Variants in COL19A1 observed in about 807,000 individuals in gnomAD.
The protein encoded by COL19A1 is collagen type XIX alpha 1 chain.
A neutral mutation model predicts 190.2 loss-of-function variants in COL19A1; 159 were observed. The observed-to-expected ratio is 0.84, with a 90% CI of 0.73 to 0.95. COL19A1 has a LOEUF of 0.95. COL19A1 is among the 40% of genes least tolerant of loss of function. COL19A1 has a pLI of 0.00. For synonymous variants in COL19A1, 509 were observed against 458.9 expected, an observed-to-expected ratio of 1.11 and a Z score of -1.39; for missense variants, 1,418 against 1,431.9, an observed-to-expected ratio of 0.99 and a Z score of 0.16.
At chr6:69,872,143 TG>T (rs1412981548) in intron 1 of COL19A1, among the ~76,000 whole-genome samples, 1 of 149,516 alleles carries the variant, frequency 6.7e-6, no homozygotes, top group African/African-American at 2.4e-5. Context: ...GTTTTTTGTT[TG>T]TTTTTTTGTT....
At chr6:69,894,498 G>T (rs1243813904) in intron 2 of COL19A1, among the ~76,000 whole-genome samples, 1 of 152,082 alleles carries the variant, frequency 6.6e-6, no homozygotes, top group Non-Finnish European at 1.5e-5. Flanking sequence ...TGAACTAAAA[G>T]GTACTACAGA....
At chr6:70,045,053 C>G (rs898699281) in intron 14 of COL19A1, among the ~76,000 whole-genome samples, 1 of 152,028 alleles carries the variant, frequency 6.6e-6, no homozygotes, top group African/African-American at 2.4e-5. Context: ...TGGCTCACAC[C>G]TGTAATCCCA....
At chr6:70,083,881 G>A (rs1208875874) in intron 15 of COL19A1, among the ~76,000 whole-genome samples, 3 of 151,996 alleles carry the variant, frequency 2.0e-5, no homozygotes, top group Non-Finnish European at 4.4e-5. Flanking sequence ...CATATGCAGG[G>A]CAAGACAACC....
intron 16 of COL19A1, among the ~76,000 whole-genome samples, chr6:70,115,824 T>TG (rs1491548395): frequency 2.5e-4 from 24 of 97,006 alleles, no homozygotes; most frequent in African/African-American, 9.5e-4. Flanking sequence ...TTTGGTGTTT[T>TG]GTTTTTTTTT....
intron 9 of COL19A1, among the ~76,000 whole-genome samples, chr6:69,949,721 T>C (rs1774016213): frequency 6.6e-6 from 1 of 151,884 alleles, no homozygotes; most frequent in East Asian, 1.9e-4. Flanking sequence ...TATGTGCATC[T>C]TCCAGAGTAA....
At chr6:70,153,604 A>G (rs1464961869) in intron 31 of COL19A1, among the ~76,000 whole-genome samples, 4 of 152,174 alleles carry the variant, frequency 2.6e-5, no homozygotes, top group Non-Finnish European at 5.9e-5. Context: ...TGTTTCACTT[A>G]AACAGTCTAT....
At chr6:70,140,120 T>C (rs1786145445) in intron 19 of COL19A1, among the ~76,000 whole-genome samples, 1 of 151,980 alleles carries the variant, frequency 6.6e-6, no homozygotes, top group Admixed American at 6.6e-5. Context: ...TGGGTAGATA[T>C]GGGTATATAG....
chr6:69,884,438 G>A (rs913159528), intron 2 of COL19A1, among the ~76,000 whole-genome samples: 2 of 152,072 alleles, frequency 1.3e-5, no homozygotes, highest in African/African-American at 4.8e-5. Flanking sequence ...TACAATAGGA[G>A]GTCAAACCAG....
chr6:69,905,980 T>G (rs1770521968), intron 4 of COL19A1, among the ~76,000 whole-genome samples: 1 of 152,212 alleles, frequency 6.6e-6, no homozygotes, highest in Non-Finnish European at 1.5e-5. Flanking sequence ...AATTCATTAT[T>G]TGTATACATA....
intron 41 of COL19A1, among the ~76,000 whole-genome samples, chr6:70,173,221 A>T (rs1205007757): frequency 6.6e-6 from 1 of 152,216 alleles, no homozygotes; most frequent in Non-Finnish European, 1.5e-5. Context: ...TTGAGTAGGC[A>T]GTCTGATATA....
intron 10 of COL19A1, among the ~76,000 whole-genome samples, chr6:69,961,203 G>A (rs1774780191): frequency 6.6e-6 from 1 of 152,236 alleles, no homozygotes; most frequent in Middle Eastern, 3.4e-3. Context: ...ATGCATGTAG[G>A]TTTTTCTCTA....
At chr6:70,032,983 A>G (rs988888541) in intron 12 of COL19A1, among the ~76,000 whole-genome samples, 4 of 152,170 alleles carry the variant, frequency 2.6e-5, no homozygotes, top group Non-Finnish European at 4.4e-5. Context: ...TAATAAGACA[A>G]TACTGTATCA....
In COL19A1 at chr6:70,209,599, T is replaced by A. The variant is rs1417424269; in HGVS notation, c.*2325T>A. On this transcript the variant is annotated 3_prime_UTR_variant, in exon 51 of 51. Transcript: ENST00000620364. ...ACTGGTTAATTCCTATTTCAAGGAT[T>A]TGGATTTATTCAGGTAATTTGATGG... is the stretch of plus-strand genomic sequence containing the variant. 6.6e-6 allele frequency: 1 copy of A among 152,218 alleles called. No individual in the cohort carries two copies. The highest frequency in any genetic ancestry group is 1.5e-5 in the Non-Finnish European group (1 of 68,034). 9.4% of individuals were successfully genotyped at this position (152,218 alleles called of 1,614,324 possible). A position where few individuals can be genotyped will look rare whatever the true frequency, so the allele number is the denominator to read the frequency against.
At chr6:70,111,029 A>C (rs941862) in intron 16 of COL19A1, among the ~76,000 whole-genome samples, 38,832 of 152,040 alleles carry the variant, frequency 0.26, 5,418 homozygotes, top group South Asian at 0.41. Context: ...GTCAAAGGCC[A>C]GTCAGATTTA....
chr6:70,037,675 G>T lies in COL19A1; in HGVS notation c.1170+1736G>T, dbSNP rs117785272. Reference sequence around the variant, plus strand: ...GATTTCATTGTCATTTTCAACTCATGTTGGAAGACTGATATGCAATCTACA... The same window carrying T: ...GATTTCATTGTCATTTTCAACTCATTTTGGAAGACTGATATGCAATCTACA... On this transcript the variant is annotated intron_variant, in intron 14 of 50. Transcript: ENST00000620364. Among the ~76,000 whole-genome samples, 871 of 152,268 alleles carry T rather than the reference G, an allele frequency of 5.7e-3. 2 individuals carry two copies. Among genetic ancestry groups the T allele is most frequent in the Middle Eastern group, 0.01 (3 of 294 alleles).
In COL19A1 at chr6:70,105,298, C is replaced by A. The variant is rs573286034; in HGVS notation, c.1278+3076C>A. Among the ~76,000 whole-genome samples the A allele has an allele frequency of 1.7e-3, 263 of 152,246 alleles. 1 individual carries two copies. Among genetic ancestry groups the A allele is most frequent in the African/African-American group, 6.1e-3 (254 of 41,532 alleles). ...TCAGCCTCCCGAGTAGCTGGGACTACAGCTGCGCACCACCACGCCCAGCCA... is the reference window on the plus strand; with the variant it reads ...TCAGCCTCCCGAGTAGCTGGGACTAAAGCTGCGCACCACCACGCCCAGCCA... On this transcript the variant is annotated intron_variant, in intron 16 of 50. Coordinates refer to ENST00000620364, the MANE Select transcript of COL19A1 (RefSeq NM_001858.6).
At chr6:70,127,202 C>T (rs1785253477) in intron 17 of COL19A1, among the ~76,000 whole-genome samples, 1 of 152,178 alleles carries the variant, frequency 6.6e-6, no homozygotes, top group African/African-American at 2.4e-5. Flanking sequence ...ACAGCTGAAA[C>T]TTCTGAGGAA....
rs575561288 is a variant in COL19A1 at position 70,113,071 on chromosome 6, C to T, written c.1279-8809C>T. ...TGAACTTGTGAACCAGGGATGCTAGCGATATCTTAGACTGAGACACTTAGG... is the reference window on the plus strand; with the variant it reads ...TGAACTTGTGAACCAGGGATGCTAGTGATATCTTAGACTGAGACACTTAGG... On this transcript the variant is annotated intron_variant, in intron 16 of 50. Coordinates refer to ENST00000620364, the MANE Select transcript of COL19A1 (RefSeq NM_001858.6). Among the ~76,000 whole-genome samples the T allele has an allele frequency of 2.6e-5, 4 of 152,192 alleles. No individual in the cohort carries two copies. The East Asian group carries it at 5.8e-4, about 22-fold the overall frequency.
chr6:70,160,155 A>G (rs1181455586), intron 34 of COL19A1, among the ~76,000 whole-genome samples: 1 of 152,074 alleles, frequency 6.6e-6, no homozygotes, highest in Non-Finnish European at 1.5e-5. Flanking sequence ...TTTATAAAAG[A>G]AAGAGGTTTA....
Sources: allele counts gnomAD v4.1 joint callset (sites outside exome capture counted in the v4.1 genomes callset), GRCh38; gene constraint gnomAD v4.1.1; transcripts MANE v1.5; gene names NCBI Gene and HGNC (gene_info 2026-07-23, HGNC 2026-07-21).